The following ACSL1 variants were observed in gnomAD, a reference collection of about 807,000 sequenced individuals.
ACSL1 encodes acyl-CoA synthetase long chain family member 1.
Under a neutral mutation model 98.4 loss-of-function variants are expected in ACSL1, and 41 were observed. The observed-to-expected ratio is 0.42, with a 90% CI of 0.32 to 0.54. The LOEUF is 0.54. Ranked by LOEUF, ACSL1 falls within the 20% of genes least tolerant of loss-of-function variation. The pLI is 0.13. For synonymous variants in ACSL1, 316 were observed against 322.7 expected (o/e 0.98, Z 0.22); for missense variants, 734 against 883.1 (o/e 0.83, Z 2.14).
intron 18 of ACSL1, among the ~76,000 whole-genome samples, chr4:184,759,729 G>A (rs1045047274): frequency 2.6e-5 from 4 of 152,166 alleles, no homozygotes; most frequent in African/African-American, 9.7e-5. Flanking sequence ...CTTTTACACT[G>A]TTGGTGGGAC....
At chr4:184,801,313 G>A (rs958848272) in intron 2 of ACSL1, among the ~76,000 whole-genome samples, 16 of 152,194 alleles carry the variant, frequency 1.1e-4, no homozygotes, top group Admixed American at 3.9e-4. Flanking sequence ...TTTAGTATCC[G>A]TGTAAACTTT....
intron 5 of ACSL1, among the ~76,000 whole-genome samples, chr4:184,778,673 T>C (rs1273333162): frequency 6.6e-6 from 1 of 152,206 alleles, no homozygotes; most frequent in Admixed American, 6.5e-5. Context: ...GCCGAGTCAC[T>C]GTGCTTTGGC....
In ACSL1 at chr4:184,803,529, A is replaced by T. The variant is rs749162391; in HGVS notation, c.-15T>A. On this transcript the variant is annotated 5_prime_UTR_variant, in exon 2 of 21. Transcript: ENST00000281455. The surrounding 1 kb of genome is among the most constrained non-coding windows in gnomAD (Gnocchi z 4.8). ...TGGGCTTGCATTGTCCTGTGTTGAT[A>T]GTTCTCTAAGCTGAATTCTGTTGGG... 6.6e-7 allele frequency: 1 copy of T among 1,505,352 alleles called. No homozygotes were observed. The highest frequency in any genetic ancestry group is 8.9e-7 in the Non-Finnish European group (1 of 1,120,986). The allele number at this position is 1,505,352 out of a possible 1,614,324, so 93.2% of individuals were successfully genotyped here.
In ACSL1 at chr4:184,773,239, G is replaced by C; in HGVS notation, c.842-85C>G. On this transcript the variant is annotated intron_variant, in intron 9 of 20. Coordinates refer to ENST00000281455, the MANE Select transcript of ACSL1 (RefSeq NM_001995.5). The surrounding 1 kb of genome is among the most constrained non-coding windows in gnomAD (Gnocchi z 4.3). Reference sequence around the variant, plus strand: ...GAAACCTCACATAATTAGGGCTTCAGACACCTCTACTGTTAGATATATCGT... The same window carrying C: ...GAAACCTCACATAATTAGGGCTTCACACACCTCTACTGTTAGATATATCGT... 1 of 1,225,150 alleles carries C rather than the reference G, an allele frequency of 8.2e-7. No individual in the cohort carries two copies. Among genetic ancestry groups the C allele is most frequent in the African/African-American group, 1.5e-5 (1 of 67,112 alleles). The allele number at this position is 1,225,150 out of a possible 1,614,324, so 75.9% of individuals were successfully genotyped here.
intron 3 of ACSL1, among the ~76,000 whole-genome samples, chr4:184,787,343 A>AG (rs1158633626): frequency 6.6e-6 from 1 of 152,204 alleles, no homozygotes; most frequent in Non-Finnish European, 1.5e-5. Flanking sequence ...AGCTCGGGCT[A>AG]GGGGGGCAGA....
rs145964271 is a variant in ACSL1 at position 184,802,767 on chromosome 4, C to T, written c.195+553G>A. On this transcript the variant is annotated intron_variant, in intron 2 of 20. Transcript: ENST00000281455. ...CACACACAACCACGGCGCTCAGCAG[C>T]CCAGCCAGACGCGCCTCTTGAGGGT... 1.4e-3 allele frequency among the ~76,000 whole-genome samples: 210 copies of T among 152,322 alleles called. 4 individuals carry two copies. In the East Asian group the frequency reaches 0.039, roughly 28 times the overall value.
At position 184,768,401 on chromosome 4, in the gene ACSL1, A is replaced by G. The variant is rs1034026000; in HGVS notation, c.1043T>C (p.Ile348Thr). 1.7e-5 allele frequency: 27 copies of G among 1,613,824 alleles called. No homozygotes were observed. Among genetic ancestry groups the G allele is most frequent in the Non-Finnish European group, 2.0e-5 (24 of 1,179,980 alleles). The change falls in exon 12 of 21, where the codon ATC becomes ACC. Residue 348 changes from isoleucine to threonine, a missense_variant. By Grantham distance (89) the Ile-to-Thr change is moderately conservative (BLOSUM62 -1). Coordinates refer to ENST00000281455, the MANE Select transcript of ACSL1 (RefSeq NM_001995.5). ...CTTGAGGTCATCCATGAGCAGCCTG[A>G]TATCTCCTTGGAAAAATCCGATTTT... ...GAKIGFFQGD[I>T]RLLMDDLKVL... is the part of the protein sequence containing the mutation.
At chr4:184,795,452 C>T (rs72695653) in intron 2 of ACSL1, among the ~76,000 whole-genome samples, 15,391 of 152,278 alleles carry the variant, frequency 0.1, 952 homozygotes, top group Non-Finnish European at 0.14. Flanking sequence ...ATATTCCCTA[C>T]GTATCTGTAG....
intron 1 of ACSL1, among the ~76,000 whole-genome samples, chr4:184,818,859 C>T (rs1481869401): frequency 6.6e-6 from 1 of 152,154 alleles, no homozygotes; most frequent in African/African-American, 2.4e-5. Flanking sequence ...TGCACCAAAA[C>T]AGGGCTCCAA....
intron 11 of ACSL1, among the ~76,000 whole-genome samples, chr4:184,769,635 A>G (rs1764194413): frequency 6.6e-6 from 1 of 152,214 alleles, no homozygotes; most frequent in South Asian, 2.1e-4. Flanking sequence ...ATCGCCTTCG[A>G]TCCTTTGGGA....
rs762384239 is a variant in ACSL1, at chr4:184,776,437, G to A, written c.756+47C>T. Reference sequence around the variant, plus strand: ...CTGGATAGCACGTGTGAGCCAACACGGCCCCAGGGAAAGCCTTCAGAGAAG... The same window carrying A: ...CTGGATAGCACGTGTGAGCCAACACAGCCCCAGGGAAAGCCTTCAGAGAAG... On this transcript the variant is annotated intron_variant, in intron 7 of 20. Coordinates refer to ENST00000281455, the MANE Select transcript of ACSL1 (RefSeq NM_001995.5). The A allele has an allele frequency of 1.8e-5, 29 of 1,580,848 alleles. No individual in the cohort carries two copies. The South Asian group carries it at 2.7e-4, about 15-fold the overall frequency.
chr4:184,776,789 G>A, intron 6 of ACSL1, 95 bp downstream of exon 6: 1 of 1,499,410 alleles, frequency 6.7e-7, no homozygotes, highest in East Asian at 2.4e-5. Context: ...ATATTTACAT[G>A]TAAAATCTTT....
chr4:184,787,711 A>T (rs568297846), intron 3 of ACSL1, among the ~76,000 whole-genome samples: 16 of 152,212 alleles, frequency 1.1e-4, no homozygotes, highest in Middle Eastern at 3.4e-3. Context: ...TAAAAAATAC[A>T]AAATTAGCTG....
chr4:184,780,751 T>A (rs1270451270), intron 4 of ACSL1, among the ~76,000 whole-genome samples: 3 of 152,210 alleles, frequency 2.0e-5, no homozygotes, highest in Non-Finnish European at 4.4e-5. Context: ...TATACAATTT[T>A]AAAAATGATA....
Position 184,811,397 on chromosome 4 carries a change from C to T in ACSL1, c.-32-7851G>A, listed in dbSNP as rs372578781. The stretch of plus-strand genomic sequence containing the variant: ...AAAGTGCTGGGATTACAGGTGTGAG[C>T]CACCGCGCCCAGCTGCACAATGCTT... On this transcript the variant is annotated intron_variant, in intron 1 of 20. Transcript: ENST00000281455. Among the ~76,000 whole-genome samples the T allele has an allele frequency of 1.1e-3, 170 of 152,182 alleles. 1 individual carries two copies. The highest frequency in any genetic ancestry group is 3.6e-3 in the African/African-American group (149 of 41,528).
At chr4:184,789,608 A>G (rs1284710003) in intron 2 of ACSL1, among the ~76,000 whole-genome samples, 1 of 152,242 alleles carries the variant, frequency 6.6e-6, no homozygotes, top group Non-Finnish European at 1.5e-5. Context: ...TGCAGATTTG[A>G]CATCGCTGTG....
intron 1 of ACSL1, among the ~76,000 whole-genome samples, chr4:184,815,467 TG>T (rs769724067): frequency 1.2e-4 from 18 of 151,512 alleles, no homozygotes; most frequent in Non-Finnish European, 2.4e-4. Flanking sequence ...AGAGCCCTCC[TG>T]TCCCCTCCAG....
chr4:184,764,972 C>T, intron 14 of ACSL1, 47 bp from the exon 15 acceptor site: 1 of 1,573,678 alleles, frequency 6.4e-7, no homozygotes, highest in Non-Finnish European at 8.7e-7. Flanking sequence ...CACAATCACA[C>T]CTTTACTGGA....
chr4:184,762,517 C>A lies in ACSL1; in HGVS notation c.1528G>T (p.Val510Leu), dbSNP rs746227025. The A allele has an allele frequency of 1.2e-6, 2 of 1,613,924 alleles. No homozygotes were observed. The highest frequency in any genetic ancestry group is 1.1e-5 in the South Asian group (1 of 91,084). ...CCCTGAAATACATTTGGCCCTTTCACACACACCTAAAGAAAAGAAGATCAT... is the reference window on the plus strand; with the variant it reads ...CCCTGAAATACATTTGGCCCTTTCAAACACACCTAAAGAAAAGAAGATCAT... ...MAAEGEGEVCVKGPNVFQGYL... is the reference protein window; with the variant it reads ...MAAEGEGEVCLKGPNVFQGYL... Residue 510 changes from valine to leucine, a missense_variant, in exon 17 of 21, where the codon GTG becomes TTG. Coordinates refer to ENST00000281455, the MANE Select transcript of ACSL1 (RefSeq NM_001995.5).
Sources: allele counts gnomAD v4.1 joint callset (sites outside exome capture counted in the v4.1 genomes callset), GRCh38; gene constraint gnomAD v4.1.1; non-coding constraint Gnocchi (gnomAD v3.1); transcripts MANE v1.5; gene names NCBI Gene and HGNC (gene_info 2026-07-23, HGNC 2026-07-21).